The following CDK5RAP1 variants were observed in gnomAD, a reference collection of about 807,000 sequenced individuals.
CDK5RAP1 encodes CDK5RAP1 mitochondrial tRNA methylthiotransferase.
CDK5RAP1 carries 62 observed loss-of-function variants against 64.5 expected under a neutral mutation model. The observed-to-expected ratio is 0.96, with a 90% CI of 0.78 to 1.19. The LOEUF is 1.19. CDK5RAP1 is among the 50% of genes most tolerant of loss of function. CDK5RAP1 has a pLI of 0.00. For missense variants in CDK5RAP1, 657 were observed against 735.0 expected (o/e 0.89, Z 1.23); for synonymous variants, 250 against 261.9 (o/e 0.95, Z 0.44).
At chr20:33,382,104 A>G (rs750604498) in intron 7 of CDK5RAP1, among the ~76,000 whole-genome samples, 1 of 152,194 alleles carries the variant, frequency 6.6e-6, no homozygotes, top group Non-Finnish European at 1.5e-5. Flanking sequence ...GGCCTCCCAA[A>G]GTGCTGGGAT....
chr20:33,373,146 GCC>G, intron 9 of CDK5RAP1: 1 of 164,348 alleles, frequency 6.1e-6, no homozygotes, highest in South Asian at 1.6e-4. Flanking sequence ...TCGCCATGTT[GCC>G]CGTGTGTGTG....
intron 11 of CDK5RAP1, among the ~76,000 whole-genome samples, chr20:33,368,459 ATTTTTTTTTTTTTTT>A (rs35954744): frequency 7.4e-5 from 5 of 67,566 alleles, no homozygotes; most frequent in African/African-American, 1.8e-4. Context: ...CTCTCGGCTA[ATTTTTTTTTTTTTTT>A]TTTTTTTTTT....
chr20:33,373,758 C>T (rs566874847), intron 9 of CDK5RAP1: 17 of 210,276 alleles, frequency 8.1e-5, no homozygotes, highest in Non-Finnish European at 1.5e-4. Context: ...AAAAAACATA[C>T]TAAACAGTGA....
At position 33,379,581 on chromosome 20, in the gene CDK5RAP1, G is replaced by A; in HGVS notation, c.987C>T (p.Thr329=). ...GTCCTCCTTGCTTGGTTTTATAGTTGGTGGTAAAGCCACGACTGAGATTGG... is the reference window on the plus strand; with the variant it reads ...GTCCTCCTTGCTTGGTTTTATAGTTAGTGGTAAAGCCACGACTGAGATTGG... ...VPTNLSRGFT[T]NYKTKQGGLR... Residue 329 remains threonine, a synonymous_variant, in exon 8 of 14, where the codon ACC becomes ACT. Coordinates refer to ENST00000346416, the MANE Select transcript of CDK5RAP1 (RefSeq NM_016408.4). 1 of 1,613,906 alleles carries A rather than the reference G, an allele frequency of 6.2e-7. No homozygotes were observed. The highest frequency in any genetic ancestry group is 8.5e-7 in the Non-Finnish European group (1 of 1,179,832).
intron 1 of CDK5RAP1, among the ~76,000 whole-genome samples, chr20:33,398,077 C>T (rs11698208): frequency 0.024 from 3,593 of 152,302 alleles, 66 homozygotes; most frequent in Non-Finnish European, 0.032. Context: ...ATAACACAAC[C>T]TTTATAGAGA....
At position 33,374,186 on chromosome 20, in the gene CDK5RAP1, A is replaced by T; in HGVS notation, c.1134T>A (p.Asp378Glu). Residue 378 changes from aspartate (D) to glutamate (E), a missense_variant, in exon 9 of 14, where the codon GAT becomes GAA. Physicochemically the swap from Asp to Glu is conservative, Grantham distance 45. Coordinates refer to ENST00000346416, the MANE Select transcript of CDK5RAP1 (RefSeq NM_016408.4). ...GCAGGTGGATCTGTTTACAGATGTT[A>T]TCTCTCTCATGAATCAGCTGCAGAA... ...DEVLQLIHER[D>E]NICKQIHLPA... is the part of the protein sequence containing the mutation. 1 of 1,612,932 alleles carries T rather than the reference A, an allele frequency of 6.2e-7. No individual in the cohort carries two copies. The highest frequency in any genetic ancestry group is 8.5e-7 in the Non-Finnish European group (1 of 1,178,908).
chr20:33,376,023 A>C (rs1206060540), intron 8 of CDK5RAP1, among the ~76,000 whole-genome samples: 1 of 152,138 alleles, frequency 6.6e-6, no homozygotes, highest in Non-Finnish European at 1.5e-5. Context: ...ATGCCCAGCT[A>C]ATTTTTTTAT....
rs566045665 is a variant in CDK5RAP1 at position 33,392,248 on chromosome 20, G to A, written c.444-6C>T. 2 of 1,582,090 alleles carry A rather than the reference G, an allele frequency of 1.3e-6. No homozygotes were observed. Among genetic ancestry groups the A allele is most frequent in the Admixed American group, 3.4e-5 (2 of 58,404 alleles). On this transcript the variant is annotated splice_region_variant and splice_polypyrimidine_tract_variant and intron_variant, in intron 4 of 13. Transcript: ENST00000346416. ...TGGTCTGCTCAGCCTTCTCCCTAGAGAGATCAAAGGAGGCAAGACTGAACC... is the reference window on the plus strand; with the variant it reads ...TGGTCTGCTCAGCCTTCTCCCTAGAAAGATCAAAGGAGGCAAGACTGAACC...
intron 2 of CDK5RAP1, 105 bp from the exon 3 acceptor site, chr20:33,395,221 G>A: frequency 1.4e-6 from 1 of 697,986 alleles, no homozygotes; most frequent in Non-Finnish European, 2.6e-6. Context: ...GAGGCATCTG[G>A]TTATCCACTA....
intron 8 of CDK5RAP1, among the ~76,000 whole-genome samples, chr20:33,379,012 C>T (rs565465235): frequency 6.6e-5 from 10 of 152,098 alleles, no homozygotes; most frequent in Middle Eastern, 3.4e-3. Flanking sequence ...TGCAGTGGTG[C>T]GATCTCGGCT....
chr20:33,384,205 A>G (rs964911091), intron 7 of CDK5RAP1, among the ~76,000 whole-genome samples: 1 of 152,226 alleles, frequency 6.6e-6, no homozygotes, highest in Non-Finnish European at 1.5e-5. Flanking sequence ...AAACAAGCAA[A>G]ATTATTAAGT....
At chr20:33,370,117 G>T (rs1984731231) in intron 11 of CDK5RAP1, among the ~76,000 whole-genome samples, 1 of 152,158 alleles carries the variant, frequency 6.6e-6, no homozygotes, top group Non-Finnish European at 1.5e-5. Flanking sequence ...AATCACTGAG[G>T]ATGGCTGGGA....
chr20:33,360,440 T>C lies in CDK5RAP1; in HGVS notation c.1594A>G (p.Lys532Glu), dbSNP rs1982700700. 1 of 1,613,656 alleles carries C rather than the reference T, an allele frequency of 6.2e-7. No homozygotes were observed. The highest frequency in any genetic ancestry group is 1.3e-5 in the African/African-American group (1 of 74,882). ...DLCGRNDGNL[K>E]VIFPDAEMED... ...ATCTCTGCATCAGGGAAGATCACCT[T>C]AAGGTTTCCATCATTCCTGCCACAC... Residue 532 changes from lysine to glutamate, a missense_variant, in exon 13 of 14, where the codon AAG becomes GAG. Lys to Glu is a moderately conservative substitution (Grantham distance 56). Transcript: ENST00000346416.
intron 7 of CDK5RAP1, among the ~76,000 whole-genome samples, chr20:33,383,960 T>C (rs1462319857): frequency 6.6e-6 from 1 of 152,188 alleles, no homozygotes; most frequent in East Asian, 1.9e-4. Flanking sequence ...AGGTGATTGT[T>C]AGCTGGGGCA....
At chr20:33,400,296 T>C (rs1021361741) in intron 1 of CDK5RAP1, among the ~76,000 whole-genome samples, 3 of 152,212 alleles carry the variant, frequency 2.0e-5, no homozygotes, top group African/African-American at 7.2e-5. Flanking sequence ...ATGTGGCCCA[T>C]TACCTTTCCA....
At chr20:33,373,317 GGT>G (rs143571939) in intron 9 of CDK5RAP1, 40 of 150,740 alleles carry the variant, frequency 2.7e-4, no homozygotes, top group African/African-American at 9.1e-4. Flanking sequence ...ATGTTGCCCA[GGT>G]GTGTGTGTGT....
intron 1 of CDK5RAP1, among the ~76,000 whole-genome samples, chr20:33,397,288 T>C (rs959842359): frequency 6.6e-6 from 1 of 152,178 alleles, no homozygotes; most frequent in Admixed American, 6.5e-5. Flanking sequence ...AGAGATGAGA[T>C]GCAAATCCAG....
chr20:33,387,901 T>C (rs1050001787), intron 5 of CDK5RAP1, among the ~76,000 whole-genome samples: 8 of 151,952 alleles, frequency 5.3e-5, no homozygotes, highest in African/African-American at 1.9e-4. Flanking sequence ...ACCCTGTCTC[T>C]ACTAAAAATA....
intron 5 of CDK5RAP1, among the ~76,000 whole-genome samples, chr20:33,389,289 G>T (rs1476107316): frequency 1.3e-5 from 2 of 150,078 alleles, no homozygotes; most frequent in Admixed American, 1.3e-4. Context: ...CCGTCTGGGA[G>T]GTGAGGAGCG....
Sources: allele counts gnomAD v4.1 joint callset (sites outside exome capture counted in the v4.1 genomes callset), GRCh38; gene constraint gnomAD v4.1.1; transcripts MANE v1.5; gene names NCBI Gene and HGNC (gene_info 2026-07-23, HGNC 2026-07-21).